Variants in PIK3AP1 observed in about 807,000 individuals in gnomAD.
The protein encoded by PIK3AP1 is phosphoinositide-3-kinase adaptor protein 1.
Under a neutral mutation model 88.1 loss-of-function variants are expected in PIK3AP1, and 21 were observed. That is an observed-to-expected ratio of 0.24 (90% CI 0.17 to 0.34). The LOEUF (loss-of-function observed/expected upper bound fraction) is 0.34. Among genes scored for constraint, PIK3AP1 ranks in the 10% least tolerant of loss-of-function variants. PIK3AP1 has a pLI of 1.00. For missense variants in PIK3AP1, 828 were observed against 1,035.7 expected, an observed-to-expected ratio of 0.80 and a Z score of 2.75; for synonymous variants, 398 against 400.0, an observed-to-expected ratio of 1.00 and a Z score of 0.06.
At chr10:96,658,267 AGGGTTAGTTT>A (rs1843642150) in intron 2 of PIK3AP1, among the ~76,000 whole-genome samples, 1 of 152,130 alleles carries the variant, frequency 6.6e-6, no homozygotes, top group African/African-American at 2.4e-5. Flanking sequence ...GTGAGAAGCA[AGGGTTAGTTT>A]GGCTGATTCC....
At chr10:96,690,724 T>G (rs1239900104) in intron 2 of PIK3AP1, among the ~76,000 whole-genome samples, 1 of 152,154 alleles carries the variant, frequency 6.6e-6, no homozygotes, top group African/African-American at 2.4e-5. Flanking sequence ...GCTGCCAAGT[T>G]TTTAGAAAGC....
intron 11 of PIK3AP1, 79 bp downstream of exon 11, chr10:96,623,393 C>G: frequency 4.5e-6 from 6 of 1,325,110 alleles, no homozygotes; most frequent in Non-Finnish European, 6.5e-6. Context: ...TGTCAAGGAG[C>G]TATTGTTACA....
chr10:96,597,873 T>C (rs1346278546), intron 16 of PIK3AP1, among the ~76,000 whole-genome samples: 1 of 152,174 alleles, frequency 6.6e-6, no homozygotes, highest in African/African-American at 2.4e-5. Flanking sequence ...TCCCAGCCCC[T>C]CTTCCGCTTT....
At chr10:96,716,152 T>C (rs1031498258) in intron 1 of PIK3AP1, among the ~76,000 whole-genome samples, 11 of 148,338 alleles carry the variant, frequency 7.4e-5, no homozygotes, top group Non-Finnish European at 1.5e-4. Context: ...CGTGGTGGCA[T>C]GCGCCTGTAG....
At chr10:96,599,852 A>T (rs527887565) in intron 16 of PIK3AP1, among the ~76,000 whole-genome samples, 2 of 152,050 alleles carry the variant, frequency 1.3e-5, no homozygotes, top group South Asian at 4.2e-4. Flanking sequence ...TTCTCTCCCC[A>T]TCTCTATCAC....
At chr10:96,683,347 A>G (rs572946548) in intron 2 of PIK3AP1, among the ~76,000 whole-genome samples, 71 of 152,366 alleles carry the variant, frequency 4.7e-4, no homozygotes, top group African/African-American at 1.7e-3. Context: ...TCCTCATTCA[A>G]GGAGTCTAAA....
intron 2 of PIK3AP1, among the ~76,000 whole-genome samples, chr10:96,699,579 G>A (rs992687771): frequency 6.6e-6 from 1 of 152,144 alleles, no homozygotes; most frequent in East Asian, 1.9e-4. Flanking sequence ...CACCATCACA[G>A]CAGTGACTGT....
chr10:96,595,893 G>A (rs930578229), intron 16 of PIK3AP1, among the ~76,000 whole-genome samples: 3 of 152,106 alleles, frequency 2.0e-5, no homozygotes, highest in Admixed American at 6.5e-5. Flanking sequence ...CTAAGCTCTA[G>A]AGGATAGGAC....
chr10:96,670,155 CAAA>C (rs35152022), intron 2 of PIK3AP1, among the ~76,000 whole-genome samples: 11 of 91,440 alleles, frequency 1.2e-4, no homozygotes, highest in Non-Finnish European at 1.2e-4. Context: ...AAGACTCCAT[CAAA>C]AAAAAAAAAA....
At chr10:96,718,743 G>C (rs1844534790) in intron 1 of PIK3AP1, among the ~76,000 whole-genome samples, 1 of 152,088 alleles carries the variant, frequency 6.6e-6, no homozygotes, top group Admixed American at 6.6e-5. Flanking sequence ...TCCACCCAAA[G>C]GCCCTCCCAG....
intron 1 of PIK3AP1, among the ~76,000 whole-genome samples, chr10:96,710,217 T>G (rs185681869): frequency 4.1e-4 from 62 of 149,870 alleles, no homozygotes; most frequent in Non-Finnish European, 7.7e-4. Context: ...TGTTTTATTA[T>G]TTATTTATTT....
chr10:96,684,152 G>T (rs192627146), intron 2 of PIK3AP1, among the ~76,000 whole-genome samples: 7 of 152,286 alleles, frequency 4.6e-5, no homozygotes, highest in Admixed American at 2.0e-4. Context: ...TAGGCATTGT[G>T]TAGAGCAAAA....
chr10:96,628,692 C>T (rs1246987672), intron 8 of PIK3AP1, among the ~76,000 whole-genome samples, 199 bp from the exon 9 acceptor site: 1 of 151,810 alleles, frequency 6.6e-6, no homozygotes, highest in East Asian at 1.9e-4. Context: ...GCCCAACCCT[C>T]AGGCTCTTCC....
chr10:96,616,353 T>A (rs1180136380), intron 13 of PIK3AP1, among the ~76,000 whole-genome samples: 4 of 152,344 alleles, frequency 2.6e-5, no homozygotes, highest in Admixed American at 1.3e-4. Context: ...GCAGAGGAAG[T>A]ATCACCATCC....
At position 96,652,768 on chromosome 10, in the gene PIK3AP1, A is replaced by T. The variant is rs752472885; in HGVS notation, c.642T>A (p.Pro214=). The change falls in exon 4 of 17, where the codon CCT becomes CCA. Residue 214 remains proline, a synonymous_variant. Transcript: ENST00000339364. ...DRVATEAEFS[P]EDSPSVRMEA... ...CCATCCTTACAGAGGGAGAATCCTCAGGAGAAAACTCTGCTTCTGTCGCCA... is the reference window on the plus strand; with the variant it reads ...CCATCCTTACAGAGGGAGAATCCTCTGGAGAAAACTCTGCTTCTGTCGCCA... The T allele has an allele frequency of 9.9e-6, 16 of 1,614,110 alleles. No homozygotes were observed. Among genetic ancestry groups the T allele is most frequent in the Non-Finnish European group, 1.3e-5 (15 of 1,179,990 alleles).
intron 2 of PIK3AP1, among the ~76,000 whole-genome samples, chr10:96,657,358 C>A (rs1307479467): frequency 6.6e-6 from 1 of 152,170 alleles, no homozygotes; most frequent in African/African-American, 2.4e-5. Context: ...CCTGCACTGT[C>A]CAGAAAGCCA....
chr10:96,656,730 C>A, intron 3 of PIK3AP1, 68 bp downstream of exon 3: 6 of 1,583,370 alleles, frequency 3.8e-6, no homozygotes, highest in South Asian at 1.1e-5. Flanking sequence ...CTCTTTACTG[C>A]AACAAATGCA....
At chr10:96,617,024 C>T (rs910798986) in intron 12 of PIK3AP1, among the ~76,000 whole-genome samples, 3 of 152,224 alleles carry the variant, frequency 2.0e-5, no homozygotes, top group Non-Finnish European at 2.9e-5. Context: ...CACAGGTATT[C>T]CTGTCTCTGA....
intron 2 of PIK3AP1, among the ~76,000 whole-genome samples, chr10:96,694,317 C>A (rs750066801): frequency 1.4e-4 from 21 of 152,156 alleles, no homozygotes; most frequent in Non-Finnish European, 2.8e-4. Context: ...GCAGACACTC[C>A]ATAAACTCAA....
Sources: allele counts gnomAD v4.1 joint callset (sites outside exome capture counted in the v4.1 genomes callset), GRCh38; gene constraint gnomAD v4.1.1; transcripts MANE v1.5; gene names NCBI Gene and HGNC (gene_info 2026-07-23, HGNC 2026-07-21).